OCA2: variants seen among roughly 807,000 people sequenced by gnomAD.
The protein encoded by OCA2 is OCA2 melanosomal transmembrane protein.
In OCA2, 77 loss-of-function variants were observed where a neutral mutation model predicts 100.2. The observed-to-expected ratio is 0.77, with a 90% CI of 0.64 to 0.93. OCA2 has a LOEUF of 0.93. Ranked by LOEUF, OCA2 falls within the 40% of genes least tolerant of loss-of-function variation. The pLI, the probability that OCA2 is intolerant of heterozygous loss-of-function variation, is 0.00. For synonymous variants in OCA2, 432 were observed against 439.2 expected, an observed-to-expected ratio of 0.98 and a Z score of 0.21; for missense variants, 1,062 against 1,089.1, an observed-to-expected ratio of 0.98 and a Z score of 0.35.
At chr15:27,969,965 A>C (rs2040715493) in intron 14 of OCA2, among the ~76,000 whole-genome samples, 1 of 151,938 alleles carries the variant, frequency 6.6e-6, no homozygotes, top group African/African-American at 2.4e-5. Context: ...ATTTTAGTAA[A>C]ATATGCATGG....
At chr15:27,790,785 G>GA (rs1483125741) in intron 23 of OCA2, among the ~76,000 whole-genome samples, 5 of 134,764 alleles carry the variant, frequency 3.7e-5, no homozygotes, top group African/African-American at 9.0e-5. Flanking sequence ...CAATTACCCT[G>GA]AATTTTTTTT....
intron 19 of OCA2, among the ~76,000 whole-genome samples, chr15:27,911,959 T>C (rs1257425182): frequency 6.6e-6 from 1 of 152,114 alleles, no homozygotes; most frequent in Non-Finnish European, 1.5e-5. Context: ...ACAAATACTG[T>C]AGTTGAGTTA....
intron 19 of OCA2, among the ~76,000 whole-genome samples, chr15:27,924,073 T>C (rs374187969): frequency 3.3e-5 from 5 of 152,340 alleles, no homozygotes; most frequent in East Asian, 3.9e-4. Flanking sequence ...ATCTTCTGCA[T>C]GTGGGTAGCC....
intron 1 of OCA2, among the ~76,000 whole-genome samples, chr15:28,089,509 GGCTT>G (rs2044836706): frequency 6.6e-6 from 1 of 152,152 alleles, no homozygotes. Flanking sequence ...CTTCTACCAT[GGCTT>G]CAGCTGGTCC....
chr15:28,096,308 G>A lies in OCA2; in HGVS notation c.-22+2916C>T, dbSNP rs2044981696. On this transcript the variant is annotated intron_variant, in intron 1 of 23. Transcript: ENST00000354638. ...CATGGCCTGTCTCCGAGGTGTGGTC[G>A]TGTCTCCGGGGGCGTGGCTTTTCGT... Among the ~76,000 whole-genome samples, 4 of 151,736 alleles carry A rather than the reference G, an allele frequency of 2.6e-5. No homozygotes were observed. The East Asian group carries it at 7.8e-4, about 30-fold the overall frequency.
intron 19 of OCA2, among the ~76,000 whole-genome samples, chr15:27,920,393 T>C (rs1263670140): frequency 6.6e-6 from 1 of 152,200 alleles, no homozygotes; most frequent in Non-Finnish European, 1.5e-5. Flanking sequence ...GACATTTTAT[T>C]ATGATTTCAT....
At chr15:27,778,488 C>T (rs1046434831) in intron 23 of OCA2, among the ~76,000 whole-genome samples, 3 of 152,100 alleles carry the variant, frequency 2.0e-5, no homozygotes, top group Admixed American at 1.3e-4. Context: ...TTTCCTTGCA[C>T]ATGGTTTGAA....
intron 23 of OCA2, among the ~76,000 whole-genome samples, chr15:27,830,834 G>A (rs1481738810): frequency 2.0e-5 from 3 of 152,204 alleles, no homozygotes; most frequent in Non-Finnish European, 4.4e-5. Flanking sequence ...CAATCTCCCA[G>A]TTAAGAAGAT....
At chr15:27,888,745 C>T (rs1839146) in intron 19 of OCA2, among the ~76,000 whole-genome samples, 119,648 of 151,910 alleles carry the variant, frequency 0.79, 48,182 homozygotes, top group East Asian at 1. Flanking sequence ...TGAAGAAGGC[C>T]GTGTGTGTGT....
chr15:27,916,556 G>T (rs1004286732), intron 19 of OCA2, among the ~76,000 whole-genome samples: 2 of 152,084 alleles, frequency 1.3e-5, no homozygotes, highest in African/African-American at 4.8e-5. Context: ...CTTAACACAG[G>T]TTATTCATTA....
intron 23 of OCA2, among the ~76,000 whole-genome samples, chr15:27,843,342 C>T (rs1229069506): frequency 1.3e-5 from 2 of 152,186 alleles, no homozygotes; most frequent in Admixed American, 1.3e-4. Flanking sequence ...TGTCTCTGAT[C>T]CCCTCTCTTG....
At chr15:27,947,758 C>T (rs777275988) in intron 18 of OCA2, among the ~76,000 whole-genome samples, 2 of 152,184 alleles carry the variant, frequency 1.3e-5, no homozygotes, top group Non-Finnish European at 2.9e-5. Context: ...TTTGGTACCT[C>T]CACTCAGGCA....
Position 27,959,220 on chromosome 15 carries a change from C to T in OCA2, c.1637-1485G>A, listed in dbSNP as rs528092446. Among the ~76,000 whole-genome samples, 3 of 152,322 alleles carry T rather than the reference C, an allele frequency of 2.0e-5. No individual in the cohort carries two copies. The Middle Eastern group carries it at 0.01, about 518-fold the overall frequency. On this transcript the variant is annotated intron_variant, in intron 15 of 23. Coordinates refer to ENST00000354638, the MANE Select transcript of OCA2 (RefSeq NM_000275.3). ...ATACATAATATGTTTTCATTCAGTA[C>T]ATATGGATGCTTTGTAGCTTACTAA...
At chr15:27,807,430 G>A (rs935454141) in intron 23 of OCA2, among the ~76,000 whole-genome samples, 3 of 152,168 alleles carry the variant, frequency 2.0e-5, no homozygotes, top group Non-Finnish European at 4.4e-5. Flanking sequence ...TGTGTCCCCA[G>A]CTTCCCCATG....
chr15:28,016,136 T>G lies in OCA2; in HGVS notation c.858A>C (p.Ser286=). Residue 286 remains serine, a synonymous_variant, in exon 8 of 24, where the codon TCA becomes TCC. Coordinates refer to ENST00000354638, the MANE Select transcript of OCA2 (RefSeq NM_000275.3). ...GTACCTCAAAGGTCCTGCTCATCAC[T>G]GAGTGCTCGCTTCTCCTCGGATTTA... is the stretch of plus-strand genomic sequence containing the variant. ...VYLNPRRSEH[S]VMSRTFEVLT... The G allele has an allele frequency of 6.2e-7, 1 of 1,614,226 alleles. No individual in the cohort carries two copies. The highest frequency in any genetic ancestry group is 1.3e-5 in the African/African-American group (1 of 75,048).
chr15:27,963,304 G>C (rs1469252018), intron 15 of OCA2, among the ~76,000 whole-genome samples: 4 of 152,104 alleles, frequency 2.6e-5, no homozygotes, highest in Non-Finnish European at 5.9e-5. Flanking sequence ...TGACATCACT[G>C]AACATCCCTC....
intron 13 of OCA2, among the ~76,000 whole-genome samples, chr15:27,984,211 G>A (rs1421203248): frequency 6.6e-6 from 1 of 151,920 alleles, no homozygotes; most frequent in Non-Finnish European, 1.5e-5. Flanking sequence ...CTACAGCTGT[G>A]GAGCTCCACC....
rs1289086150 is a variant in OCA2, at chr15:27,871,022, A to G, written c.2244+132T>C. The G allele has an allele frequency of 4.0e-6, 3 of 750,742 alleles. No homozygotes were observed. The African/African-American group carries it at 5.2e-5, about 13-fold the overall frequency. The allele number at this position is 750,742 out of a possible 1,614,324, so 46.5% of individuals were successfully genotyped here. A position where few individuals can be genotyped will look rare whatever the true frequency, so the allele number is the denominator to read the frequency against. ...CACCCAGCTGCCCTGGGCTCTGCTCACTTTCGTCCTCTACACCTGTGAGTG... is the reference window on the plus strand; with the variant it reads ...CACCCAGCTGCCCTGGGCTCTGCTCGCTTTCGTCCTCTACACCTGTGAGTG... On this transcript the variant is annotated intron_variant, in intron 21 of 23. Transcript: ENST00000354638.
In OCA2 at chr15:27,755,213, C is replaced by T; in HGVS notation, c.*175G>A. 1.6e-6 allele frequency: 1 copy of T among 630,084 alleles called. No individual in the cohort carries two copies. Among genetic ancestry groups the T allele is most frequent in the Non-Finnish European group, 2.9e-6 (1 of 339,412 alleles). The allele number at this position is 630,084 out of a possible 1,614,324, so 39.0% of individuals were successfully genotyped here. A position where few individuals can be genotyped will look rare whatever the true frequency, so the allele number is the denominator to read the frequency against. On this transcript the variant is annotated 3_prime_UTR_variant, in exon 24 of 24. Coordinates refer to ENST00000354638, the MANE Select transcript of OCA2 (RefSeq NM_000275.3). ...GACACACAGAGGAGGTCATGGTGTT[C>T]CAACATTCGCTTGAATTAGAGTGTT... is the stretch of plus-strand genomic sequence containing the variant.
Sources: gnomAD v4.1 joint callset for allele counts (sites outside exome capture counted in the v4.1 genomes callset) on GRCh38, gnomAD v4.1.1 for gene constraint, MANE v1.5 for transcripts, NCBI Gene and HGNC (gene_info 2026-07-23, HGNC 2026-07-21) for gene names.